The following ADCY1 variants were observed in gnomAD, a reference collection of about 807,000 sequenced individuals.
The protein encoded by ADCY1 is adenylate cyclase 1, also known as adenylate cyclase type 1.
ADCY1 carries 28 observed loss-of-function variants against 105.4 expected under a neutral mutation model. The observed-to-expected ratio is 0.27, with a 90% confidence interval of 0.20 to 0.36. The LOEUF (loss-of-function observed/expected upper bound fraction) is 0.36, where lower values mean the gene tolerates loss of function less well. Ranked by LOEUF, ADCY1 falls within the 10% of genes least tolerant of loss-of-function variation. The probability of loss-of-function intolerance (pLI) is 1.00; values close to 1 mark genes in which losing one functional copy is unlikely to be tolerated. For missense variants in ADCY1, 977 were observed against 1,434.2 expected, an observed-to-expected ratio of 0.68 and a Z score of 5.15; for synonymous variants, 655 against 623.8, an observed-to-expected ratio of 1.05 and a Z score of -0.75.
intron 4 of ADCY1, among the ~76,000 whole-genome samples, chr7:45,623,036 G>A (rs1012084391): frequency 2.6e-5 from 4 of 152,240 alleles, no homozygotes; most frequent in Admixed American, 2.0e-4. Flanking sequence ...ACGTAGGTAC[G>A]GGTCTGTCCT....
At chr7:45,685,926 C>T (rs1302447880) in intron 12 of ADCY1, 36 bp from the exon 13 acceptor site, 1 of 1,589,490 alleles carries the variant, frequency 6.3e-7, no homozygotes, top group Non-Finnish European at 8.6e-7. Context: ...TCTTCACCTG[C>T]CCTTTGCTAA....
At chr7:45,705,351 T>C (rs1407809893) in intron 17 of ADCY1, among the ~76,000 whole-genome samples, 1 of 152,236 alleles carries the variant, frequency 6.6e-6, no homozygotes, top group Non-Finnish European at 1.5e-5. Flanking sequence ...AATTCAATAA[T>C]GAATGGAAAG....
intron 11 of ADCY1, 132 bp downstream of exon 11, chr7:45,679,925 T>C (rs1784524841): frequency 9.6e-7 from 1 of 1,040,604 alleles, no homozygotes; most frequent in Non-Finnish European, 1.5e-6. Flanking sequence ...CATATCACCT[T>C]GTTCAGGTAT....
At chr7:45,576,749 G>A (rs986399216) in intron 1 of ADCY1, among the ~76,000 whole-genome samples, 12 of 152,022 alleles carry the variant, frequency 7.9e-5, no homozygotes, top group African/African-American at 2.7e-4. Flanking sequence ...CCCACAGCCA[G>A]ACCCGCAACC....
intron 1 of ADCY1, among the ~76,000 whole-genome samples, chr7:45,576,142 G>C (rs1282326578): frequency 6.6e-6 from 1 of 152,210 alleles, no homozygotes; most frequent in Admixed American, 6.5e-5. Flanking sequence ...CAAATGGAGT[G>C]GGGGAGCCCA....
chr7:45,714,399 G>C lies in ADCY1; in HGVS notation c.*404G>C, dbSNP rs1785325590. 2 of 192,576 alleles carry C rather than the reference G, an allele frequency of 1.0e-5. No individual in the cohort carries two copies. Among genetic ancestry groups the C allele is most frequent in the African/African-American group, 4.6e-5 (2 of 43,112 alleles). The allele number at this position is 192,576 out of a possible 1,614,324, so 11.9% of individuals were successfully genotyped here. A position where few individuals can be genotyped will look rare whatever the true frequency, so the allele number is the denominator to read the frequency against. On this transcript the variant is annotated 3_prime_UTR_variant, in exon 20 of 20. Coordinates refer to ENST00000297323, the MANE Select transcript of ADCY1 (RefSeq NM_021116.4). Reference sequence around the variant, plus strand: ...AGGTGTGGCTGGCAGAGCAACTGAGGAGCTCTGCGAGAGTGTGCCCTCTGA... The same window carrying C: ...AGGTGTGGCTGGCAGAGCAACTGAGCAGCTCTGCGAGAGTGTGCCCTCTGA...
In ADCY1 at chr7:45,627,411, G is replaced by A. The variant is rs1026623936; in HGVS notation, c.1020+4668G>A. Among the ~76,000 whole-genome samples the A allele has an allele frequency of 2.9e-4, 44 of 152,222 alleles. 1 individual carries two copies. Among genetic ancestry groups the A allele is most frequent in the African/African-American group, 1.0e-3 (42 of 41,466 alleles). On this transcript the variant is annotated intron_variant, in intron 4 of 19. Coordinates refer to ENST00000297323, the MANE Select transcript of ADCY1 (RefSeq NM_021116.4). ...TAACCCTACTCATTCATCACTGTGT[G>A]TGTGGCTGTTTTCCAGGGAGGGGTT... is the stretch of plus-strand genomic sequence containing the variant.
rs571822706 is a variant in ADCY1, at chr7:45,707,178, A to G, written c.2818-1172A>G. 1.7e-4 allele frequency among the ~76,000 whole-genome samples: 26 copies of G among 152,330 alleles called. 1 individual carries two copies. The highest frequency in any genetic ancestry group is 1.5e-3 in the South Asian group (7 of 4,826). ...TCACAAAGTTAGACATAATGTTACC[A>G]TATGATCCAGCAATTGCACTTTTGG... On this transcript the variant is annotated intron_variant, in intron 17 of 19. Transcript: ENST00000297323.
intron 4 of ADCY1, among the ~76,000 whole-genome samples, chr7:45,646,045 G>A (rs1238588387): frequency 6.6e-6 from 1 of 151,986 alleles, no homozygotes; most frequent in Non-Finnish European, 1.5e-5. Flanking sequence ...AGGTGTGGCC[G>A]CTTCCCCTTC....
At chr7:45,610,837 T>TGCGGGGGTGATG (rs1793545483) in intron 3 of ADCY1, among the ~76,000 whole-genome samples, 1 of 86,488 alleles carries the variant, frequency 1.2e-5, no homozygotes, top group Non-Finnish European at 2.3e-5. Flanking sequence ...ATAGTGGAGG[T>TGCGGGGGTGATG]GTGGAGGCGA....
rs764300669 is a variant in ADCY1 at position 45,648,722 on chromosome 7, C to T, written c.1073C>T (p.Ser358Leu). The change falls in exon 5 of 20, where the codon TCG becomes TTG. Residue 358 changes from serine to leucine, a missense_variant. Physicochemically the swap from Ser to Leu is moderately radical, Grantham distance 145. Transcript: ENST00000297323. ...KILGDCYYCV[S>L]GLTQPKTDHA... ...CTCGGGGACTGCTACTACTGCGTGT[C>T]GGGCCTCACCCAGCCCAAGACTGAC... The T allele has an allele frequency of 1.2e-6, 2 of 1,614,180 alleles. No homozygotes were observed. Among genetic ancestry groups the T allele is most frequent in the Non-Finnish European group, 1.7e-6 (2 of 1,180,020 alleles).
chr7:45,590,218 ACCC>A (rs533840293), intron 1 of ADCY1, among the ~76,000 whole-genome samples: 1,818 of 151,560 alleles, frequency 0.012, 23 homozygotes, highest in Non-Finnish European at 0.021. Context: ...CTATGTCCCC[ACCC>A]CCCCATGGAC....
intron 2 of ADCY1, among the ~76,000 whole-genome samples, chr7:45,596,270 GC>G (rs1793068258): frequency 6.6e-6 from 1 of 152,188 alleles, no homozygotes; most frequent in Admixed American, 6.5e-5. Context: ...TGTTCCCAGA[GC>G]CTTCTCCAGC....
chr7:45,635,599 T>G (rs1794379177), intron 4 of ADCY1, among the ~76,000 whole-genome samples: 1 of 142,920 alleles, frequency 7.0e-6, no homozygotes, highest in Non-Finnish European at 1.5e-5. Flanking sequence ...CTAATTTCTC[T>G]TGTTTTTTTT....
intron 3 of ADCY1, among the ~76,000 whole-genome samples, chr7:45,617,999 C>T (rs1793785044): frequency 6.6e-6 from 1 of 152,194 alleles, no homozygotes; most frequent in African/African-American, 2.4e-5. Context: ...GCTATATTAA[C>T]TAAAACAGCA....
chr7:45,597,811 G>A (rs1310230993), intron 2 of ADCY1, among the ~76,000 whole-genome samples: 2 of 152,186 alleles, frequency 1.3e-5, no homozygotes, highest in East Asian at 3.9e-4. Flanking sequence ...GGGTGGGGTG[G>A]GGATGGGGGC....
Position 45,713,974 on chromosome 7 carries a change from A to G in ADCY1, c.3339A>G (p.Ala1113=). 2.6e-6 allele frequency: 2 copies of G among 777,146 alleles called. No individual in the cohort carries two copies. The highest frequency in any genetic ancestry group is 4.8e-6 in the Non-Finnish European group (2 of 415,500). 48.1% of individuals were successfully genotyped at this position (777,146 alleles called of 1,614,324 possible). A position where few individuals can be genotyped will look rare whatever the true frequency, so the allele number is the denominator to read the frequency against. Residue 1113 remains alanine, a synonymous_variant, in exon 20 of 20, where the codon GCA becomes GCG. Transcript: ENST00000297323. ...PHSPGQYLPS[A]AAGKEA is the part of the protein sequence containing the mutation. The stretch of plus-strand genomic sequence containing the variant: ...CCCCAGGCCAGTACCTGCCCTCTGC[A>G]GCAGCTGGGAAGGAGGCTTAGTGGA...
chr7:45,651,120 A>G (rs1278838781), intron 5 of ADCY1, among the ~76,000 whole-genome samples: 1 of 151,954 alleles, frequency 6.6e-6, no homozygotes, highest in Non-Finnish European at 1.5e-5. Flanking sequence ...GCTCCTGATT[A>G]CCAGAGTGTT....
At chr7:45,695,864 G>C (rs1784870585) in intron 14 of ADCY1, among the ~76,000 whole-genome samples, 1 of 152,250 alleles carries the variant, frequency 6.6e-6, no homozygotes, top group East Asian at 1.9e-4. Flanking sequence ...GCACAGCACA[G>C]TTTTGCTAAT....
Sources: allele counts gnomAD v4.1 joint callset (sites outside exome capture counted in the v4.1 genomes callset), GRCh38; gene constraint gnomAD v4.1.1; transcripts MANE v1.5; gene names NCBI Gene and HGNC (gene_info 2026-07-23, HGNC 2026-07-21).